MECOM: variants seen among roughly 807,000 people sequenced by gnomAD.
The protein encoded by MECOM is histone-lysine N-methyltransferase MECOM.
MECOM carries 13 observed loss-of-function variants against 116.3 expected under a neutral mutation model. That is an observed-to-expected ratio of 0.11 (90% confidence interval 0.07 to 0.18). The LOEUF is 0.18. Ranked by LOEUF, MECOM falls within the 10% of genes least tolerant of loss-of-function variation. MECOM has a pLI of 1.00. For synonymous variants in MECOM, 528 were observed against 535.2 expected (o/e 0.99, Z 0.19); for missense variants, 1,299 against 1,509.0 (o/e 0.86, Z 2.31).
intron 3 of MECOM, among the ~76,000 whole-genome samples, chr3:169,140,163 C>T (rs1737677560): frequency 1.3e-5 from 2 of 151,984 alleles, no homozygotes; most frequent in South Asian, 2.1e-4. Flanking sequence ...CCCTGCTCTG[C>T]CTTTCAGGGC....
rs181111308 is a variant in MECOM at position 169,157,395 on chromosome 3, C to A, written c.376-13563G>T. ...CATTGGAAATCCTAAAATTTCATTT[C>A]ACTATTTCAATGACTGTAGCCAAAC... On this transcript the variant is annotated intron_variant, in intron 2 of 16. Coordinates refer to ENST00000651503, the MANE Select transcript of MECOM (RefSeq NM_004991.4). Among the ~76,000 whole-genome samples the A allele has an allele frequency of 2.9e-3, 447 of 152,314 alleles. 2 individuals carry two copies. Among genetic ancestry groups the A allele is most frequent in the African/African-American group, 0.01 (422 of 41,562 alleles).
intron 9 of MECOM, among the ~76,000 whole-genome samples, chr3:169,109,744 A>T (rs1260140193): frequency 6.6e-6 from 1 of 152,164 alleles, no homozygotes; most frequent in Admixed American, 6.5e-5. Context: ...CAGAATTTTT[A>T]AAATACGTAT....
intron 2 of MECOM, among the ~76,000 whole-genome samples, chr3:169,319,388 C>T (rs952546919): frequency 7.3e-5 from 11 of 151,378 alleles, no homozygotes; most frequent in Admixed American, 1.3e-4. Flanking sequence ...AACACATGGA[C>T]ATGGGGAAGG....
At chr3:169,206,838 C>T (rs1417508004) in intron 2 of MECOM, among the ~76,000 whole-genome samples, 1 of 150,776 alleles carries the variant, frequency 6.6e-6, no homozygotes, top group African/African-American at 2.4e-5. Flanking sequence ...AGGCATAATA[C>T]ATAAAAAACA....
chr3:169,109,914 G>A (rs985913541), intron 9 of MECOM, among the ~76,000 whole-genome samples: 3 of 152,116 alleles, frequency 2.0e-5, no homozygotes, highest in Non-Finnish European at 4.4e-5. Context: ...AACCAGACTT[G>A]CCCAGAGAAT....
intron 1 of MECOM, among the ~76,000 whole-genome samples, chr3:169,592,299 G>A (rs1239248898): frequency 6.6e-6 from 1 of 152,170 alleles, no homozygotes; most frequent in Non-Finnish European, 1.5e-5. Flanking sequence ...AACTCCTAAA[G>A]ACGGATGTGG....
intron 1 of MECOM, among the ~76,000 whole-genome samples, chr3:169,575,950 A>T (rs1764445359): frequency 6.6e-6 from 1 of 152,146 alleles, no homozygotes; most frequent in African/African-American, 2.4e-5. Flanking sequence ...GATACACAAG[A>T]AAGACAGCAT....
intron 1 of MECOM, among the ~76,000 whole-genome samples, chr3:169,413,853 C>A (rs1332153534): frequency 6.6e-6 from 1 of 152,190 alleles, no homozygotes; most frequent in Non-Finnish European, 1.5e-5. Context: ...CCTCTCTGGG[C>A]AAGCCATCTC....
At chr3:169,533,011 T>A (rs974508145) in intron 1 of MECOM, among the ~76,000 whole-genome samples, 1 of 152,162 alleles carries the variant, frequency 6.6e-6, no homozygotes, top group Admixed American at 6.5e-5. Context: ...CATAAAAATG[T>A]GATGAACAGG....
intron 1 of MECOM, among the ~76,000 whole-genome samples, chr3:169,579,966 A>C (rs1326125387): frequency 1.3e-5 from 2 of 152,206 alleles, no homozygotes; most frequent in Non-Finnish European, 2.9e-5. Context: ...ATTAATTTGA[A>C]GTATCCCTCT....
At chr3:169,517,451 C>T (rs1460896591) in intron 1 of MECOM, among the ~76,000 whole-genome samples, 4 of 152,116 alleles carry the variant, frequency 2.6e-5, no homozygotes, top group South Asian at 2.1e-4. Flanking sequence ...AGCATGTAGA[C>T]GTTTTAGACT....
intron 2 of MECOM, among the ~76,000 whole-genome samples, chr3:169,205,062 T>G (rs1431902076): frequency 6.6e-6 from 1 of 152,176 alleles, no homozygotes; most frequent in African/African-American, 2.4e-5. Flanking sequence ...CTCCCTGTCT[T>G]TGTTTAGACC....
At chr3:169,271,056 CA>C (rs1259076487) in intron 2 of MECOM, among the ~76,000 whole-genome samples, 1 of 152,194 alleles carries the variant, frequency 6.6e-6, no homozygotes, top group Admixed American at 6.5e-5. Context: ...TAGACAGTAA[CA>C]AAGACAAGTC....
chr3:169,471,629 A>G (rs6797400), intron 1 of MECOM, among the ~76,000 whole-genome samples: 103,733 of 152,060 alleles, frequency 0.68, 36,642 homozygotes, highest in African/African-American at 0.87. Flanking sequence ...ATGATACTGC[A>G]CTACATTGCC....
intron 10 of MECOM, among the ~76,000 whole-genome samples, chr3:169,106,165 A>G (rs1035414583): frequency 5.3e-5 from 8 of 152,148 alleles, no homozygotes; most frequent in Admixed American, 1.3e-4. Context: ...GTGATTTTCT[A>G]TATTTATTCA....
intron 1 of MECOM, among the ~76,000 whole-genome samples, chr3:169,626,544 G>A (rs1200204139): frequency 6.6e-6 from 1 of 152,170 alleles, no homozygotes; most frequent in African/African-American, 2.4e-5. Context: ...ACACTGAGAT[G>A]AACTAGCCTG....
intron 16 of MECOM, 142 bp downstream of exon 16, chr3:169,088,858 A>C (rs929835588): frequency 4.5e-6 from 3 of 664,266 alleles, no homozygotes; most frequent in Non-Finnish European, 6.9e-6. Flanking sequence ...CAGTAAAGAT[A>C]TGAACATTTT....
chr3:169,258,362 A>G (rs2149603212), intron 2 of MECOM, among the ~76,000 whole-genome samples: 1 of 152,370 alleles, frequency 6.6e-6, no homozygotes, highest in South Asian at 2.1e-4. Flanking sequence ...ATTTACTTGC[A>G]ATAACCTTCA....
At chr3:169,256,541 C>T (rs1756888911) in intron 2 of MECOM, among the ~76,000 whole-genome samples, 1 of 152,118 alleles carries the variant, frequency 6.6e-6, no homozygotes, top group Non-Finnish European at 1.5e-5. Context: ...GTCTAAATGG[C>T]CATGACTTTT....
Sources: allele counts gnomAD v4.1 joint callset (sites outside exome capture counted in the v4.1 genomes callset), GRCh38; gene constraint gnomAD v4.1.1; transcripts MANE v1.5; gene names NCBI Gene and HGNC (gene_info 2026-07-23, HGNC 2026-07-21).